Variants in MAN2B2 observed in about 807,000 individuals in gnomAD.
MAN2B2 encodes the protein epididymis-specific alpha-mannosidase.
Under a neutral mutation model 117.1 loss-of-function variants are expected in MAN2B2, and 106 were observed. The ratio of observed to expected loss-of-function variants is 0.90; its 90% CI spans 0.77 to 1.06. The LOEUF (loss-of-function observed/expected upper bound fraction) is 1.06, where lower values mean the gene tolerates loss of function less well. MAN2B2 is among the 50% of genes least tolerant of loss of function. The pLI is 0.00. For synonymous variants in MAN2B2, 544 were observed against 595.1 expected (o/e 0.91, Z 1.25); for missense variants, 1,326 against 1,381.4 (o/e 0.96, Z 0.64).
At position 6,594,659 on chromosome 4, in the gene MAN2B2, C is replaced by A. The variant is rs199819036; in HGVS notation, c.984C>A (p.Tyr328Ter). ...VSVQYATLGD[Y>*]FRALHALNVT... is the part of the protein sequence containing the mutation. The stretch of plus-strand genomic sequence containing the variant: ...TGCAGTATGCCACGCTGGGCGACTA[C>A]TTCCGTGCCCTGCACGCTCTCAATG... The change falls in exon 7 of 19, where the codon TAC (tyrosine) becomes TAA (stop). Residue 328 changes from tyrosine to a stop codon, truncating the protein, a stop_gained. Coordinates refer to ENST00000285599, the MANE Select transcript of MAN2B2 (RefSeq NM_015274.3). LOFTEE classifies it high-confidence loss of function. 4.3e-6 allele frequency: 7 copies of A among 1,612,600 alleles called. No homozygotes were observed. Among genetic ancestry groups the A allele is most frequent in the East Asian group, 4.5e-5 (2 of 44,030 alleles).
chr4:6,588,629 C>T (rs1208553205), intron 4 of MAN2B2, among the ~76,000 whole-genome samples: 1 of 152,120 alleles, frequency 6.6e-6, no homozygotes, highest in Non-Finnish European at 1.5e-5. Context: ...GCAGGACAAT[C>T]GCTTGAACCA....
At chr4:6,576,767 C>T (rs367715633) in intron 2 of MAN2B2, 43 bp downstream of exon 2, 79 of 1,604,730 alleles carry the variant, frequency 4.9e-5, no homozygotes, top group Non-Finnish European at 6.7e-5. Context: ...AGTATCCTGG[C>T]AAAGACCCAG....
chr4:6,605,768 C>T (rs1427530048), intron 11 of MAN2B2, among the ~76,000 whole-genome samples: 1 of 151,922 alleles, frequency 6.6e-6, no homozygotes, highest in East Asian at 1.9e-4. Flanking sequence ...ATCCATCCAC[C>T]CAATTATCCA....
Position 6,610,892 on chromosome 4 carries a change from A to G in MAN2B2, c.2272A>G (p.Met758Val), listed in dbSNP as rs1486946951. ...NNSIARNYYPMVQSAFMEDGK... is the reference protein window; with the variant it reads ...NNSIARNYYPVVQSAFMEDGK... ...TTTCTGTCTGCAGAATTACTACCCC[A>G]TGGTTCAGTCGGCCTTCATGGAGGA... The change falls in exon 14 of 19, where the codon ATG becomes GTG. Residue 758 changes from methionine to valine, a missense_variant. Coordinates refer to ENST00000285599, the MANE Select transcript of MAN2B2 (RefSeq NM_015274.3). The G allele has an allele frequency of 6.2e-7, 1 of 1,614,082 alleles. No individual in the cohort carries two copies. The highest frequency in any genetic ancestry group is 8.5e-7 in the Non-Finnish European group (1 of 1,179,972).
Position 6,600,635 on chromosome 4 carries a change from C to A in MAN2B2, c.1418C>A (p.Ala473Glu). 1 of 1,613,934 alleles carries A rather than the reference C, an allele frequency of 6.2e-7. No individual in the cohort carries two copies. Among genetic ancestry groups the A allele is most frequent in the African/African-American group, 1.3e-5 (1 of 75,076 alleles). The change falls in exon 10 of 19, where the codon GCA becomes GAA. Residue 473 changes from alanine (A) to glutamate (E), a missense_variant. Physicochemically the swap from Ala to Glu is moderately radical, Grantham distance 107 (BLOSUM62 -1). Coordinates refer to ENST00000285599, the MANE Select transcript of MAN2B2 (RefSeq NM_015274.3). ...TCTCTGTGTGCAGATGCAGGACCTG[C>A]AGGACATTTTGCCTCGGTCTACAAC... Reference protein sequence around the residue: ...PMAASSDAGPAGHFASVYNPL... With the variant: ...PMAASSDAGPEGHFASVYNPL...
In MAN2B2 at chr4:6,578,408, G is replaced by A. The variant is rs770466639; in HGVS notation, c.301G>A (p.Glu101Lys). The change falls in exon 3 of 19, where the codon GAG becomes AAG. Residue 101 changes from glutamate to lysine, a missense_variant. By Grantham distance (56) the Glu-to-Lys change is moderately conservative. Transcript: ENST00000285599. The stretch of plus-strand genomic sequence containing the variant: ...CCATGTCAAGGTCCGCCAGCTCCTG[G>A]AGGAAGGACGCCTGGAATTTGTCAT... ...QQKYQVRQLL[E>K]EGRLEFVIGG... The A allele has an allele frequency of 6.2e-7, 1 of 1,613,472 alleles. No individual in the cohort carries two copies. Among genetic ancestry groups the A allele is most frequent in the Non-Finnish European group, 8.5e-7 (1 of 1,179,742 alleles).
chr4:6,593,370 G>A lies in MAN2B2; in HGVS notation c.858+20G>A, dbSNP rs201052179. ...CCCTGGGTAAGGCAGAGTCCCAGGT[G>A]CTGTGCCCTCAACACAGCCCAAGGA... On this transcript the variant is annotated intron_variant, in intron 6 of 18. Coordinates refer to ENST00000285599, the MANE Select transcript of MAN2B2 (RefSeq NM_015274.3). 3 of 1,603,268 alleles carry A rather than the reference G, an allele frequency of 1.9e-6. No homozygotes were observed. The African/African-American group carries it at 4.0e-5, about 21-fold the overall frequency.
intron 10 of MAN2B2, among the ~76,000 whole-genome samples, chr4:6,601,577 C>G (rs1727333274): frequency 7.1e-6 from 1 of 140,922 alleles, no homozygotes; most frequent in African/African-American, 2.5e-5. Flanking sequence ...CAGGGAGGGC[C>G]TAGCATCCCA....
At chr4:6,601,463 G>C (rs757715241) in intron 10 of MAN2B2, among the ~76,000 whole-genome samples, 21 of 150,108 alleles carry the variant, frequency 1.4e-4, no homozygotes, top group Non-Finnish European at 2.4e-4. Flanking sequence ...TTGCGCCACT[G>C]CACTCCAGCC....
chr4:6,583,174 G>A (rs1726502493), intron 3 of MAN2B2, among the ~76,000 whole-genome samples: 1 of 152,182 alleles, frequency 6.6e-6, no homozygotes, highest in Admixed American at 6.5e-5. Context: ...TGGAGCCAGG[G>A]CAGGCAGCTT....
chr4:6,597,907 G>T (rs1727167140), intron 8 of MAN2B2, among the ~76,000 whole-genome samples: 1 of 152,204 alleles, frequency 6.6e-6, no homozygotes, highest in Non-Finnish European at 1.5e-5. Flanking sequence ...AGGAGCTGCT[G>T]GCAGAACATG....
chr4:6,587,450 CTCTT>C (rs1221403829), intron 4 of MAN2B2, among the ~76,000 whole-genome samples: 5 of 152,310 alleles, frequency 3.3e-5, no homozygotes, highest in Non-Finnish European at 5.9e-5. Flanking sequence ...GCGGGGCTGA[CTCTT>C]TCTTTAGGCC....
chr4:6,586,525 G>C (rs951247117), intron 3 of MAN2B2, among the ~76,000 whole-genome samples: 3 of 152,172 alleles, frequency 2.0e-5, no homozygotes, highest in Non-Finnish European at 4.4e-5. Flanking sequence ...GGAACCTTAA[G>C]GACATTACGC....
chr4:6,610,088 G>C (rs1727712126), intron 13 of MAN2B2, 38 bp downstream of exon 13: 1 of 1,609,432 alleles, frequency 6.2e-7, no homozygotes, highest in Non-Finnish European at 8.5e-7. Context: ...GCTCCCAATG[G>C]CGCCTTTCCT....
In MAN2B2 at chr4:6,621,248, A is replaced by G. The variant is rs764842979; in HGVS notation, c.2993A>G (p.Glu998Gly). Residue 998 changes from glutamate to glycine, a missense_variant, in exon 19 of 19, where the codon GAA (glutamate) becomes GGA (glycine). Coordinates refer to ENST00000285599, the MANE Select transcript of MAN2B2 (RefSeq NM_015274.3). The part of the protein sequence containing the change: ...GGPIITVHPK[E>G]IRTFFIHFQQ... ...CCCATCATCACCGTCCACCCAAAGG[A>G]AATCCGGACGTTCTTTATTCACTTT... The G allele has an allele frequency of 7.9e-5, 127 of 1,613,960 alleles. No individual in the cohort carries two copies. Among genetic ancestry groups the G allele is most frequent in the Non-Finnish European group, 1.0e-4 (122 of 1,179,996 alleles).
intron 3 of MAN2B2, among the ~76,000 whole-genome samples, chr4:6,584,337 C>T (rs970601719): frequency 1.3e-5 from 2 of 152,212 alleles, no homozygotes; most frequent in Admixed American, 1.3e-4. Flanking sequence ...GATATGGCTG[C>T]CATAGCTCCA....
Position 6,609,216 on chromosome 4 carries a change from G to A in MAN2B2, c.1924G>A (p.Ala642Thr). ...TAACTACCTGTTCACACCGGGCAAG[G>A]CCGCGGTGCCTGCGTGGGAAGCTGT... ...SDNYLFTPGKAAVPAWEAVEM... is the reference protein window; with the variant it reads ...SDNYLFTPGKTAVPAWEAVEM... The change falls in exon 12 of 19, where the codon GCC becomes ACC. Residue 642 changes from alanine (A) to threonine (T), a missense_variant. Ala to Thr is a moderately conservative substitution (Grantham distance 58, BLOSUM62 0). Transcript: ENST00000285599. The A allele has an allele frequency of 6.2e-7, 1 of 1,614,216 alleles. No individual in the cohort carries two copies. The highest frequency in any genetic ancestry group is 8.5e-7 in the Non-Finnish European group (1 of 1,180,038).
At chr4:6,607,696 T>C (rs1160507645) in intron 11 of MAN2B2, among the ~76,000 whole-genome samples, 2 of 152,248 alleles carry the variant, frequency 1.3e-5, no homozygotes, top group Non-Finnish European at 2.9e-5. Flanking sequence ...TGAACATTCA[T>C]GTACAAGTTT....
Position 6,621,569 on chromosome 4 carries a change from C to A in MAN2B2, c.*284C>A, listed in dbSNP as rs535335640. ...GGCACACTCATGCGTCATTCATTCA[C>A]AAAACACAAACCCAGGACTTTCTGC... On this transcript the variant is annotated 3_prime_UTR_variant, in exon 19 of 19. Transcript: ENST00000285599. The A allele has an allele frequency of 3.1e-6, 1 of 323,022 alleles. No individual in the cohort carries two copies. Among genetic ancestry groups the A allele is most frequent in the Admixed American group, 4.9e-5 (1 of 20,512 alleles). 20.0% of individuals were successfully genotyped at this position (323,022 alleles called of 1,614,324 possible). A position where few individuals can be genotyped will look rare whatever the true frequency, so the allele number is the denominator to read the frequency against.
Sources: gnomAD v4.1 joint callset for allele counts (sites outside exome capture counted in the v4.1 genomes callset) on GRCh38, gnomAD v4.1.1 for gene constraint, MANE v1.5 for transcripts, NCBI Gene and HGNC (gene_info 2026-07-23, HGNC 2026-07-21) for gene names.